TBL1X: variants seen among roughly 807,000 people sequenced by gnomAD.
TBL1X encodes transducin beta like 1 X-linked, also known as F-box-like/WD repeat-containing protein TBL1X.
TBL1X carries 10 observed loss-of-function variants against 50.7 expected under a neutral mutation model. That is an observed-to-expected ratio of 0.20 (90% CI 0.12 to 0.33). The LOEUF (loss-of-function observed/expected upper bound fraction) is 0.33, where lower values mean the gene tolerates loss of function less well. Ranked by LOEUF, TBL1X falls within the 10% of genes least tolerant of loss-of-function variation. TBL1X has a pLI of 1.00. For synonymous variants in TBL1X, 190 were observed against 214.7 expected (o/e 0.88, Z 1.01); for missense variants, 340 against 504.4 (o/e 0.67, Z 3.12).
chrX:9,580,991 G>A (rs926185708), intron 2 of TBL1X, among the ~76,000 whole-genome samples: 1 of 111,865 alleles, frequency 8.9e-6, no homozygotes, highest in African/African-American at 3.3e-5. Flanking sequence ...GGCCTGGTCC[G>A]TCTTTCAGGA....
intron 2 of TBL1X, among the ~76,000 whole-genome samples, chrX:9,522,676 G>C (rs1023621714): frequency 8.9e-6 from 1 of 111,828 alleles, no homozygotes; most frequent in Non-Finnish European, 1.9e-5. Context: ...TTGGATGCTC[G>C]AGAGTTCTTC....
At chrX:9,627,089 ATTG>A (rs2082696419) in intron 2 of TBL1X, among the ~76,000 whole-genome samples, 1 of 112,269 alleles carries the variant, frequency 8.9e-6, no homozygotes, top group Admixed American at 9.4e-5. Context: ...GCATTTACAT[ATTG>A]AAGGCAGGAG....
chrX:9,717,612 G>C lies in TBL1X; in HGVS notation c.*1366G>C, dbSNP rs1179368809. The C allele has an allele frequency of 8.8e-6, 1 of 113,176 alleles. No individual in the cohort carries two copies. The highest frequency in any genetic ancestry group is 2.8e-4 in the East Asian group (1 of 3,600). The allele number at this position is 113,176 out of a possible 1,213,427, so 9.3% of individuals were successfully genotyped here. A position where few individuals can be genotyped will look rare whatever the true frequency, so the allele number is the denominator to read the frequency against. ...CAAGGGAGCATTGGCAGAACCATAA[G>C]GTACTGCAGAAGCCGTCGAAACCGA... is the stretch of plus-strand genomic sequence containing the variant. On this transcript the variant is annotated 3_prime_UTR_variant, in exon 18 of 18. Coordinates refer to ENST00000645353, the MANE Select transcript of TBL1X (RefSeq NM_005647.4).
At chrX:9,604,407 C>G (rs1177969591) in intron 2 of TBL1X, among the ~76,000 whole-genome samples, 5 of 110,633 alleles carry the variant, frequency 4.5e-5, no homozygotes, top group Admixed American at 3.8e-4. Flanking sequence ...ACTTTCCCCC[C>G]CTTTTTTTTT....
intron 5 of TBL1X, 102 bp downstream of exon 5, chrX:9,654,424 G>GAAGAAGAAGAAA (rs1421624050): frequency 1.1e-6 from 1 of 926,493 alleles, no homozygotes; most frequent in African/African-American, 1.9e-5. Context: ...AGAAGAAGAA[G>GAAGAAGAAGAAA]AAGAGCTAAG....
At chrX:9,530,178 T>G (rs1366063967) in intron 2 of TBL1X, among the ~76,000 whole-genome samples, 1 of 112,046 alleles carries the variant, frequency 8.9e-6, no homozygotes, top group African/African-American at 3.2e-5. Flanking sequence ...GAACGTGCAT[T>G]TATAAGCCAG....
intron 2 of TBL1X, among the ~76,000 whole-genome samples, chrX:9,532,908 A>G (rs1388169984): frequency 9.0e-6 from 1 of 111,095 alleles, no homozygotes; most frequent in Non-Finnish European, 1.9e-5. Context: ...GGGAGTAGGG[A>G]TGTAATATGC....
chrX:9,599,400 C>T (rs969595827), intron 2 of TBL1X, among the ~76,000 whole-genome samples: 2 of 112,352 alleles, frequency 1.8e-5, no homozygotes, highest in Non-Finnish European at 3.8e-5. Context: ...AGTCTTGAAT[C>T]CATAACACCG....
intron 2 of TBL1X, among the ~76,000 whole-genome samples, chrX:9,575,476 T>C (rs1171634357): frequency 2.7e-5 from 3 of 111,873 alleles, no homozygotes; most frequent in Non-Finnish European, 5.6e-5. Flanking sequence ...ACTTTTGTGT[T>C]CTCATTTCAC....
At chrX:9,574,590 CAAGAAGG>C (rs1216262320) in intron 2 of TBL1X, among the ~76,000 whole-genome samples, 11 of 109,404 alleles carry the variant, frequency 1.0e-4, no homozygotes, top group Non-Finnish European at 1.7e-4. Flanking sequence ...GATTCACTAA[CAAGAAGG>C]AAGTGTTCTG....
intron 2 of TBL1X, among the ~76,000 whole-genome samples, chrX:9,629,454 C>T (rs1474824450): frequency 8.9e-6 from 1 of 112,024 alleles, no homozygotes; most frequent in Admixed American, 9.5e-5. Context: ...GGTATATCTC[C>T]CATCTGTTAA....
intron 5 of TBL1X, among the ~76,000 whole-genome samples, chrX:9,659,529 C>G (rs1261969154): frequency 2.7e-5 from 3 of 112,604 alleles, no homozygotes; most frequent in African/African-American, 6.5e-5. Context: ...CATTTGCGTT[C>G]TTTCCAGGTT....
chrX:9,566,012 A>C (rs1413502820), intron 2 of TBL1X, among the ~76,000 whole-genome samples: 2 of 112,332 alleles, frequency 1.8e-5, no homozygotes, highest in African/African-American at 6.5e-5. Context: ...ATTTTAAAAA[A>C]AATTTTGTAC....
chrX:9,523,425 AGTCACCCACACTGGGCCAG>A (rs1408005259), intron 2 of TBL1X, among the ~76,000 whole-genome samples: 13 of 111,648 alleles, frequency 1.2e-4, no homozygotes, highest in African/African-American at 3.9e-4. Flanking sequence ...CCGTGGGCCA[AGTCACCCACACTGGGCCAG>A]GTCACCCACA....
intron 2 of TBL1X, among the ~76,000 whole-genome samples, chrX:9,516,284 C>G (rs1051135493): frequency 8.1e-5 from 9 of 111,725 alleles, no homozygotes; most frequent in Non-Finnish European, 1.3e-4. Flanking sequence ...GTATTTTTCT[C>G]TTTTCTCTCC....
intron 4 of TBL1X, 87 bp downstream of exon 4, chrX:9,653,776 A>C: frequency 2.3e-6 from 2 of 868,931 alleles, no homozygotes; most frequent in South Asian, 2.4e-5. Context: ...TCACCTCTCC[A>C]TGTGTCCAGA....
chrX:9,538,620 T>C (rs751403942), intron 2 of TBL1X, among the ~76,000 whole-genome samples: 83 of 112,558 alleles, frequency 7.4e-4, no homozygotes, highest in Non-Finnish European at 1.3e-3. Flanking sequence ...ACTTCCTCGC[T>C]TGTAAAACTG....
chrX:9,486,185 C>T (rs371797611), intron 1 of TBL1X, among the ~76,000 whole-genome samples: 1 of 110,803 alleles, frequency 9.0e-6, no homozygotes, highest in East Asian at 2.8e-4. Flanking sequence ...GTGATAAAAC[C>T]TAGGTCTCTA....
intron 12 of TBL1X, among the ~76,000 whole-genome samples, chrX:9,697,960 C>G (rs2083143061): frequency 9.0e-6 from 1 of 111,227 alleles, no homozygotes; most frequent in Non-Finnish European, 1.9e-5. Context: ...TGGTACACAC[C>G]TCTAGTTTTA....
Sources: allele counts gnomAD v4.1 joint callset (sites outside exome capture counted in the v4.1 genomes callset), GRCh38; gene constraint gnomAD v4.1.1; transcripts MANE v1.5; gene names NCBI Gene and HGNC (gene_info 2026-07-23, HGNC 2026-07-21).